Variants in BLTP1 observed in about 807,000 individuals in gnomAD.
BLTP1 encodes fragile site-associated protein.
At chr4:122,239,490 G>A in the BLTP1 span, 2 of 1,489,342 alleles carry the variant, frequency 1.3e-6, no homozygotes, top group Non-Finnish European at 1.8e-6. Context: ...TATAGAAAAT[G>A]GTAATAGCTT....
chr4:122,154,563 A>C, the BLTP1 span: 10 of 879,400 alleles, frequency 1.1e-5, no homozygotes, highest in African/African-American at 1.8e-5. Context: ...CTATGTTTGT[A>C]AAGTGTTTTA....
the BLTP1 span, chr4:122,199,209 A>T: frequency 1.0e-6 from 1 of 988,680 alleles, no homozygotes; most frequent in Non-Finnish European, 1.4e-6. Flanking sequence ...TTAAGTTAGC[A>T]AGCTCCCTGT....
chr4:122,352,650 G>T, the BLTP1 span, among the ~76,000 whole-genome samples: 1 of 152,154 alleles, frequency 6.6e-6, no homozygotes, highest in East Asian at 1.9e-4. Context: ...GTGAGCCACA[G>T]CACCCAGCCT....
chr4:122,206,751 G>A, the BLTP1 span, among the ~76,000 whole-genome samples: 1 of 151,792 alleles, frequency 6.6e-6, no homozygotes, highest in Admixed American at 6.6e-5. Flanking sequence ...TAAAAAATGT[G>A]CATATAGGAT....
the BLTP1 span, chr4:122,208,560 C>T: frequency 4.2e-6 from 4 of 949,622 alleles, no homozygotes; most frequent in Non-Finnish European, 5.0e-6. Context: ...CATAGTCCAC[C>T]TGAGCTTATA....
At chr4:122,238,215 C>CTGTT in the BLTP1 span, 1 of 1,613,414 alleles carries the variant, frequency 6.2e-7, no homozygotes, top group Non-Finnish European at 8.5e-7. Flanking sequence ...TCCTCTTCCT[C>CTGTT]AGAAGAGAAC....
At chr4:122,231,371 A>T in the BLTP1 span, among the ~76,000 whole-genome samples, 1 of 152,128 alleles carries the variant, frequency 6.6e-6, no homozygotes, top group Non-Finnish European at 1.5e-5. Context: ...TATTTCTGAA[A>T]TTAACACTTT....
At chr4:122,264,414 TTGCTGATGCACAGGTGAGCCAGCC>T in the BLTP1 span, 1 of 1,606,864 alleles carries the variant, frequency 6.2e-7, no homozygotes, top group African/African-American at 1.3e-5. Context: ...GCTGTTCAGC[TTGCTGATGCACAGGTGAGCCAGCC>T]TGCTTTTTCC....
chr4:122,194,619 G>A, the BLTP1 span: 1 of 979,644 alleles, frequency 1.0e-6, no homozygotes, highest in Non-Finnish European at 1.2e-6. Context: ...TGTATTGTTT[G>A]CGAAGAAAAA....
the BLTP1 span, chr4:122,226,766 T>C: frequency 6.2e-7 from 1 of 1,613,514 alleles, no homozygotes; most frequent in East Asian, 2.2e-5. Flanking sequence ...GTCGGGAGTA[T>C]GAACTGGAAA....
At chr4:122,185,849 C>A in the BLTP1 span, 1 of 194,620 alleles carries the variant, frequency 5.1e-6, no homozygotes, top group Non-Finnish European at 9.3e-6. Flanking sequence ...TAAAATATAA[C>A]AGAAACATCA....
At chr4:122,292,343 C>T in the BLTP1 span, 3 of 900,806 alleles carry the variant, frequency 3.3e-6, no homozygotes, top group Non-Finnish European at 4.0e-6. Context: ...TGTAAAACAA[C>T]TTGAGTATAA....
chr4:122,235,361 A>G, the BLTP1 span: 1 of 984,408 alleles, frequency 1.0e-6, no homozygotes, highest in Non-Finnish European at 1.2e-6. Flanking sequence ...GCTTCAAGGT[A>G]ACAATTGTTT....
At chr4:122,158,821 C>T in the BLTP1 span, among the ~76,000 whole-genome samples, 3 of 152,150 alleles carry the variant, frequency 2.0e-5, no homozygotes, top group African/African-American at 7.2e-5. Context: ...TTTAGGTGAA[C>T]CAGCATAAAT....
the BLTP1 span, chr4:122,249,689 A>AT: frequency 2.5e-6 from 4 of 1,613,388 alleles, no homozygotes; most frequent in Non-Finnish European, 3.4e-6. Flanking sequence ...AAAGGCAAGC[A>AT]TTTTTTATTG....
At chr4:122,353,311 A>G in the BLTP1 span, 1 of 888,942 alleles carries the variant, frequency 1.1e-6, no homozygotes, top group South Asian at 5.2e-5. This position sits in a 1 kb window ranked among gnomAD's most constrained non-coding sequence, Gnocchi z 4.3. Flanking sequence ...TGTCTGGAAC[A>G]TGTTAATTTC....
the BLTP1 span, chr4:122,349,742 T>A: frequency 6.5e-7 from 1 of 1,537,928 alleles, no homozygotes; most frequent in Non-Finnish European, 8.7e-7. The surrounding 1 kb of genome is among the most constrained non-coding windows in gnomAD (Gnocchi z 4.5). Context: ...ACAAAACTCT[T>A]ATTTATTATG....
At chr4:122,293,284 A>G in the BLTP1 span, 5 of 552,102 alleles carry the variant, frequency 9.1e-6, no homozygotes, top group East Asian at 7.3e-4. Flanking sequence ...ACACAGAGGA[A>G]TGAAAATGGT....
At chr4:122,233,442 C>T in the BLTP1 span, among the ~76,000 whole-genome samples, 1 of 152,140 alleles carries the variant, frequency 6.6e-6, no homozygotes, top group Non-Finnish European at 1.5e-5. Flanking sequence ...GAACTCAGGT[C>T]TAGAGGACTC....
Sources: gnomAD v4.1 joint callset for allele counts (sites outside exome capture counted in the v4.1 genomes callset) on GRCh38, gnomAD v4.1.1 for gene constraint, Gnocchi (gnomAD v3.1) non-coding constraint, MANE v1.5 for transcripts, NCBI Gene and HGNC (gene_info 2026-07-23, HGNC 2026-07-21) for gene names.